The following HINT1 variants were observed in gnomAD, a reference collection of about 807,000 sequenced individuals.
HINT1 encodes histidine triad nucleotide binding protein 1, also known as adenosine 5'-monophosphoramidase HINT1.
Under a neutral mutation model 11.2 loss-of-function variants are expected in HINT1, and 12 were observed. That is an observed-to-expected ratio of 1.07 (90% CI 0.69 to 1.74). The LOEUF is 1.74. Ranked by LOEUF, HINT1 falls within the 40% of genes most tolerant of loss-of-function variation. The probability of loss-of-function intolerance (pLI) is 0.00; values close to 1 mark genes in which losing one functional copy is unlikely to be tolerated. For missense variants in HINT1, 150 were observed against 161.8 expected, an observed-to-expected ratio of 0.93 and a Z score of 0.40; for synonymous variants, 42 against 52.6, an observed-to-expected ratio of 0.80 and a Z score of 0.87.
At chr5:131,159,725 C>CT in intron 2 of HINT1, 114 bp from the exon 3 acceptor site, 1 of 935,158 alleles carries the variant, frequency 1.1e-6, no homozygotes, top group South Asian at 1.8e-5. Flanking sequence ...AAACACAACC[C>CT]TTTGAGCAAA....
chr5:131,159,350 T>C lies in HINT1; in HGVS notation c.*97A>G. ...GTTTTAAAATTATTTCTTGAATCTCTCCATACACAGGCAAAAATAAGTGTG... is the reference window on the plus strand; with the variant it reads ...GTTTTAAAATTATTTCTTGAATCTCCCCATACACAGGCAAAAATAAGTGTG... On this transcript the variant is annotated 3_prime_UTR_variant, in exon 3 of 3. Transcript: ENST00000304043. 1.9e-6 allele frequency: 2 copies of C among 1,049,272 alleles called. No homozygotes were observed. The highest frequency in any genetic ancestry group is 2.8e-6 in the Non-Finnish European group (2 of 711,850). 65.0% of individuals were successfully genotyped at this position (1,049,272 alleles called of 1,614,324 possible). A position where few individuals can be genotyped will look rare whatever the true frequency, so the allele number is the denominator to read the frequency against.
chr5:131,162,045 G>A (rs1210949220), intron 2 of HINT1: 3 of 207,734 alleles, frequency 1.4e-5, no homozygotes, highest in Non-Finnish European at 2.9e-5. Flanking sequence ...AATATAATAG[G>A]CCAGGAACGG....
In HINT1 at chr5:131,165,192, A is replaced by G; in HGVS notation, c.14T>C (p.Ile5Thr). Residue 5 changes from isoleucine (I) to threonine (T), a missense_variant, in exon 1 of 3, where the codon ATT becomes ACT. Coordinates refer to ENST00000304043, the MANE Select transcript of HINT1 (RefSeq NM_005340.7). Reference sequence around the variant, plus strand: ...AGGCCGAGCGACCTGAGCCTTGGCAATCTCATCTGCCATCTCGGCCTCTCT... The same window carrying G: ...AGGCCGAGCGACCTGAGCCTTGGCAGTCTCATCTGCCATCTCGGCCTCTCT... MADE[I>T]AKAQVARPGG... 6.2e-7 allele frequency: 1 copy of G among 1,608,300 alleles called. No homozygotes were observed. Among genetic ancestry groups the G allele is most frequent in the Non-Finnish European group, 8.5e-7 (1 of 1,179,850 alleles).
intron 1 of HINT1, among the ~76,000 whole-genome samples, chr5:131,164,702 G>A (rs373254744): frequency 6.6e-6 from 1 of 152,190 alleles, no homozygotes; most frequent in Non-Finnish European, 1.5e-5. Flanking sequence ...GGGCGCGATC[G>A]GGTTTCTCTC....
chr5:131,163,258 G>T (rs921036564), intron 1 of HINT1, among the ~76,000 whole-genome samples: 1 of 152,192 alleles, frequency 6.6e-6, no homozygotes, highest in African/African-American at 2.4e-5. Flanking sequence ...AAGTGTTTAA[G>T]AACAACTCTG....
chr5:131,163,975 C>T (rs1006360468), intron 1 of HINT1, among the ~76,000 whole-genome samples: 1 of 152,150 alleles, frequency 6.6e-6, no homozygotes, highest in Non-Finnish European at 1.5e-5. Flanking sequence ...AACCATTTCT[C>T]AAAGGCAACT....
intron 2 of HINT1, among the ~76,000 whole-genome samples, chr5:131,160,111 C>A (rs1230407660): frequency 6.6e-6 from 1 of 152,082 alleles, no homozygotes; most frequent in Non-Finnish European, 1.5e-5. Flanking sequence ...ACCTTAACTT[C>A]CAAAGTGCTG....
Position 131,165,182 on chromosome 5 carries a change from A to G in HINT1, c.24T>C (p.Ala8=). The G allele has an allele frequency of 6.2e-7, 1 of 1,609,544 alleles. No individual in the cohort carries two copies. The highest frequency in any genetic ancestry group is 1.3e-5 in the African/African-American group (1 of 75,026). The change falls in exon 1 of 3, where the codon GCT becomes GCC. Residue 8 remains alanine, a synonymous_variant. Coordinates refer to ENST00000304043, the MANE Select transcript of HINT1 (RefSeq NM_005340.7). ...TGTCGCCACCAGGCCGAGCGACCTG[A>G]GCCTTGGCAATCTCATCTGCCATCT... MADEIAK[A]QVARPGGDTI...
intron 1 of HINT1, 86 bp downstream of exon 1, chr5:131,165,009 A>AC: frequency 6.3e-7 from 1 of 1,578,898 alleles, no homozygotes; most frequent in Non-Finnish European, 8.6e-7. Context: ...TACACTCGCG[A>AC]CCCCTCCTCT....
At chr5:131,163,966 A>G (rs1277852109) in intron 1 of HINT1, among the ~76,000 whole-genome samples, 1 of 152,158 alleles carries the variant, frequency 6.6e-6, no homozygotes, top group East Asian at 1.9e-4. Context: ...TTTTTCAAGA[A>G]CCATTTCTCA....
chr5:131,164,717 A>T (rs1437708093), intron 1 of HINT1, among the ~76,000 whole-genome samples: 2 of 152,146 alleles, frequency 1.3e-5, no homozygotes, highest in Non-Finnish European at 2.9e-5. Context: ...TCTCTCTGTC[A>T]GGCAGAGCGC....
intron 2 of HINT1, among the ~76,000 whole-genome samples, chr5:131,159,817 C>T (rs558892874): frequency 3.3e-5 from 5 of 152,184 alleles, no homozygotes; most frequent in African/African-American, 1.2e-4. Flanking sequence ...TTACTAATTT[C>T]AAGAAACAAA....
At chr5:131,165,065 C>CA (rs746787127) in intron 1 of HINT1, 30 bp downstream of exon 1, 2 of 1,613,214 alleles carry the variant, frequency 1.2e-6, no homozygotes, top group Admixed American at 1.7e-5. Context: ...CCCACCTCAG[C>CA]AGGCGAGAGA....
chr5:131,163,026 G>A (rs1755297543), intron 1 of HINT1, among the ~76,000 whole-genome samples: 1 of 151,804 alleles, frequency 6.6e-6, no homozygotes, highest in African/African-American at 2.4e-5. Context: ...TTGTAGAGAC[G>A]GGGTTTCACC....
chr5:131,165,053 T>A, intron 1 of HINT1, 42 bp downstream of exon 1: 1 of 1,612,496 alleles, frequency 6.2e-7, no homozygotes, highest in South Asian at 1.1e-5. Flanking sequence ...CCGCGGACGA[T>A]ACCCACCTCA....
Position 131,159,497 on chromosome 5 carries a change from C to A in HINT1, c.331G>T (p.Val111Phe), listed in dbSNP as rs147406252. ...GSDGGQSVYHVHLHVLGGRQM... is the reference protein window; with the variant it reads ...GSDGGQSVYHFHLHVLGGRQM... ...CGACCTCCAAGAACATGGAGATGAA[C>A]GTGATAGACAGACTGTCCACCATCT... The change falls in exon 3 of 3, where the codon GTT becomes TTT. Residue 111 changes from valine (V) to phenylalanine (F), a missense_variant. Val to Phe is a conservative substitution (Grantham distance 50, BLOSUM62 -1). Coordinates refer to ENST00000304043, the MANE Select transcript of HINT1 (RefSeq NM_005340.7). 6.2e-7 allele frequency: 1 copy of A among 1,613,392 alleles called. No homozygotes were observed. Among genetic ancestry groups the A allele is most frequent in the Admixed American group, 1.7e-5 (1 of 60,008 alleles).
rs1489879782 is a variant in HINT1 at position 131,164,879 on chromosome 5, G to A, written c.111+216C>T. On this transcript the variant is annotated intron_variant, in intron 1 of 2. Coordinates refer to ENST00000304043, the MANE Select transcript of HINT1 (RefSeq NM_005340.7). ...CCCGGCGGCCTGGCCCGCGCCCGGG[G>A]CAGATAACGAGTAACCGGAGCGCCG... Among the ~76,000 whole-genome samples, 9 of 151,834 alleles carry A rather than the reference G, an allele frequency of 5.9e-5. 1 individual carries two copies. The highest frequency in any genetic ancestry group is 2.0e-4 in the Admixed American group (3 of 15,252).
intron 2 of HINT1, among the ~76,000 whole-genome samples, chr5:131,160,024 G>GT (rs1303449420): frequency 5.3e-5 from 8 of 151,920 alleles, no homozygotes; most frequent in African/African-American, 1.9e-4. Context: ...GCTAATTTTT[G>GT]TATTTTTTTG....
intron 1 of HINT1, among the ~76,000 whole-genome samples, chr5:131,164,610 G>C (rs1350094216): frequency 6.6e-6 from 1 of 152,186 alleles, no homozygotes; most frequent in Non-Finnish European, 1.5e-5. Flanking sequence ...CGAGCACAAT[G>C]CCTTGCTGAG....
Sources: gnomAD v4.1 joint callset for allele counts (sites outside exome capture counted in the v4.1 genomes callset) on GRCh38, gnomAD v4.1.1 for gene constraint, MANE v1.5 for transcripts, NCBI Gene and HGNC (gene_info 2026-07-23, HGNC 2026-07-21) for gene names.